DLGAP2: variants seen among roughly 807,000 people sequenced by gnomAD.
DLGAP2 encodes DLG associated protein 2, also known as disks large-associated protein 2.
Under a neutral mutation model 100.3 loss-of-function variants are expected in DLGAP2, and 26 were observed. The observed-to-expected ratio is 0.26, with a 90% CI of 0.19 to 0.36. DLGAP2 has a LOEUF of 0.36. DLGAP2 is among the 10% of genes least tolerant of loss of function. DLGAP2 has a pLI of 1.00. For missense variants in DLGAP2, 1,858 were observed against 1,453.2 expected (o/e 1.28, Z -4.53); for synonymous variants, 886 against 630.1 (o/e 1.41, Z -6.08).
At chr8:1,678,100 T>G in intron 11 of DLGAP2, 114 bp from the exon 12 acceptor site, 14 of 1,238,498 alleles carry the variant, frequency 1.1e-5, no homozygotes, top group Non-Finnish European at 1.6e-5. Context: ...TACCTGCCCT[T>G]GAGCCGCCAG....
chr8:860,403 A>G (rs1797366598), intron 1 of DLGAP2, among the ~76,000 whole-genome samples: 1 of 152,224 alleles, frequency 6.6e-6, no homozygotes, highest in African/African-American at 2.4e-5. Context: ...CCTGGGCTCC[A>G]GAAACACTTT....
chr8:1,408,910 T>G (rs1796650298), intron 3 of DLGAP2, among the ~76,000 whole-genome samples: 1 of 152,182 alleles, frequency 6.6e-6, no homozygotes, highest in African/African-American at 2.4e-5. Flanking sequence ...CTGCCCACCC[T>G]CCTGGGCCAC....
chr8:1,128,326 C>G (rs545228878), intron 2 of DLGAP2, among the ~76,000 whole-genome samples: 8 of 152,272 alleles, frequency 5.3e-5, no homozygotes, highest in South Asian at 2.1e-4. Flanking sequence ...CGGTGAGGAC[C>G]TGCCCCCGGT....
intron 2 of DLGAP2, among the ~76,000 whole-genome samples, chr8:923,217 T>C (rs1409206789): frequency 6.6e-6 from 1 of 152,012 alleles, no homozygotes; most frequent in Non-Finnish European, 1.5e-5. Context: ...CTTTCTCTCC[T>C]GTGTTAGGTA....
intron 2 of DLGAP2, among the ~76,000 whole-genome samples, chr8:1,151,562 G>T (rs1350314140): frequency 6.6e-6 from 1 of 152,186 alleles, no homozygotes; most frequent in Non-Finnish European, 1.5e-5. Flanking sequence ...GATTCCGGTT[G>T]TTCTTTGCCT....
chr8:1,460,085 G>C (rs145490282), intron 3 of DLGAP2, among the ~76,000 whole-genome samples: 3 of 152,232 alleles, frequency 2.0e-5, no homozygotes, highest in Non-Finnish European at 2.9e-5. Context: ...CACGTGCAGC[G>C]TGAGCAGGAA....
At chr8:1,659,193 G>A (rs1798354098) in intron 8 of DLGAP2, among the ~76,000 whole-genome samples, 1 of 152,306 alleles carries the variant, frequency 6.6e-6, no homozygotes, top group Admixed American at 6.5e-5. Context: ...TGATTGCACT[G>A]TGGTCGGAGA....
intron 2 of DLGAP2, among the ~76,000 whole-genome samples, chr8:1,213,435 C>T (rs1798147260): frequency 6.6e-6 from 1 of 152,108 alleles, no homozygotes; most frequent in Non-Finnish European, 1.5e-5. Context: ...CCTAATATTA[C>T]ATCATCCTTA....
At chr8:912,468 G>T (rs1223837199) in intron 2 of DLGAP2, among the ~76,000 whole-genome samples, 1 of 152,220 alleles carries the variant, frequency 6.6e-6, no homozygotes, top group African/African-American at 2.4e-5. Context: ...CTGAGTGAGA[G>T]GGTGGGTGGG....
At chr8:1,251,153 A>G (rs949117267) in intron 2 of DLGAP2, among the ~76,000 whole-genome samples, 1 of 152,226 alleles carries the variant, frequency 6.6e-6, no homozygotes, top group Non-Finnish European at 1.5e-5. Context: ...CAATATCATT[A>G]CCACAATTTC....
intron 2 of DLGAP2, among the ~76,000 whole-genome samples, chr8:948,299 C>T (rs1799383279): frequency 6.6e-6 from 1 of 152,238 alleles, no homozygotes; most frequent in Non-Finnish European, 1.5e-5. Flanking sequence ...CTGGCCTCGA[C>T]CCTGGCTCCT....
chr8:940,191 A>G (rs1168741548), intron 2 of DLGAP2, among the ~76,000 whole-genome samples: 2 of 151,990 alleles, frequency 1.3e-5, no homozygotes, highest in Non-Finnish European at 2.9e-5. Flanking sequence ...CTCTTGTGAC[A>G]TTTACTTAAG....
intron 3 of DLGAP2, among the ~76,000 whole-genome samples, chr8:1,430,042 A>C (rs1224330695): frequency 7.6e-6 from 1 of 131,634 alleles, no homozygotes; most frequent in Non-Finnish European, 1.6e-5. Context: ...ACACACACAT[A>C]TGAACTTAGA....
chr8:1,627,103 TG>T (rs1423005033), intron 7 of DLGAP2, among the ~76,000 whole-genome samples: 2 of 152,274 alleles, frequency 1.3e-5, no homozygotes, highest in Non-Finnish European at 2.9e-5. Context: ...ATATCATTTT[TG>T]CGTTGATTTT....
intron 2 of DLGAP2, among the ~76,000 whole-genome samples, chr8:948,065 A>T (rs1476218576): frequency 7.3e-6 from 1 of 137,710 alleles, no homozygotes; most frequent in African/African-American, 2.7e-5. Flanking sequence ...CGTGTGCGCC[A>T]TGGCTTCCCC....
intron 2 of DLGAP2, among the ~76,000 whole-genome samples, chr8:1,047,583 T>G (rs1802550619): frequency 6.6e-6 from 1 of 152,180 alleles, no homozygotes; most frequent in South Asian, 2.1e-4. Context: ...TTCCCAAGGT[T>G]CTGGGGTATG....
At chr8:987,731 C>T (rs1396701942) in intron 2 of DLGAP2, among the ~76,000 whole-genome samples, 1 of 152,166 alleles carries the variant, frequency 6.6e-6, no homozygotes, top group Non-Finnish European at 1.5e-5. Flanking sequence ...CGACGACAAG[C>T]CCACTCCTTT....
intron 6 of DLGAP2, among the ~76,000 whole-genome samples, chr8:1,589,753 A>G (rs1182473410): frequency 6.6e-6 from 1 of 152,144 alleles, no homozygotes; most frequent in Non-Finnish European, 1.5e-5. Flanking sequence ...ACAGAACCAC[A>G]TTACAGGGAG....
intron 2 of DLGAP2, among the ~76,000 whole-genome samples, chr8:1,200,127 G>T (rs532944094): frequency 6.6e-6 from 1 of 152,080 alleles, no homozygotes; most frequent in African/African-American, 2.4e-5. Flanking sequence ...GGCCGGGAGC[G>T]GATCCCTGCA....
Sources: allele counts gnomAD v4.1 joint callset (sites outside exome capture counted in the v4.1 genomes callset), GRCh38; gene constraint gnomAD v4.1.1; transcripts MANE v1.5; gene names NCBI Gene and HGNC (gene_info 2026-07-23, HGNC 2026-07-21).